METTL22: variants seen among roughly 807,000 people sequenced by gnomAD.
METTL22 encodes methyltransferase-like protein 22.
Under a neutral mutation model 48.4 loss-of-function variants are expected in METTL22, and 51 were observed. The ratio of observed to expected loss-of-function variants is 1.05; its 90% confidence interval spans 0.84 to 1.33. The LOEUF (loss-of-function observed/expected upper bound fraction) is 1.33. METTL22 is among the 40% of genes most tolerant of loss of function. The pLI, the probability that METTL22 is intolerant of heterozygous loss-of-function variation, is 0.00. For missense variants in METTL22, 678 were observed against 526.9 expected (o/e 1.29, Z -2.81); for synonymous variants, 255 against 214.1 (o/e 1.19, Z -1.67).
intron 7 of METTL22, chr16:8,641,815 C>A: frequency 2.0e-6 from 1 of 493,970 alleles, no homozygotes; most frequent in Non-Finnish European, 3.7e-6. Flanking sequence ...CCTGGGCCAC[C>A]CAGCAGGCAG....
intron 6 of METTL22, 117 bp from the exon 7 acceptor site, chr16:8,641,014 G>T: frequency 1.1e-6 from 1 of 901,430 alleles, no homozygotes. Context: ...AGGTGGATGG[G>T]TGAGAGCAAG....
intron 3 of METTL22, among the ~76,000 whole-genome samples, chr16:8,632,975 A>G (rs1382504982): frequency 1.3e-5 from 2 of 152,066 alleles, no homozygotes; most frequent in South Asian, 2.1e-4. Context: ...GGCAGCAGGA[A>G]CCCTTAGGAC....
downstream of METTL22, among the ~76,000 whole-genome samples, chr16:8,654,553 G>A (rs1172124751): frequency 1.3e-5 from 2 of 152,176 alleles, no homozygotes; most frequent in Admixed American, 1.3e-4. Context: ...ACACATGCAC[G>A]CATGCATACA....
Position 8,628,766 on chromosome 16 carries a change from A to T in METTL22, c.170A>T (p.Asp57Val). 1.2e-6 allele frequency: 2 copies of T among 1,613,674 alleles called. No homozygotes were observed. Among genetic ancestry groups the T allele is most frequent in the South Asian group, 2.2e-5 (2 of 91,046 alleles). Residue 57 changes from aspartate to valine, a missense_variant, in exon 3 of 11, where the codon GAC becomes GTC. Transcript: ENST00000381920. Reference protein sequence around the residue: ...LSQFKLLWSQDSWTDSGAKGG... With the variant: ...LSQFKLLWSQVSWTDSGAKGG... ...CAATTCAAGCTTCTATGGAGCCAAG[A>T]CTCTTGGACAGATTCAGGAGCCAAG...
chr16:8,622,393 C>T (rs1347806407), intron 1 of METTL22, among the ~76,000 whole-genome samples: 1 of 152,164 alleles, frequency 6.6e-6, no homozygotes, highest in Non-Finnish European at 1.5e-5. Context: ...CTCAGTCTAG[C>T]CCCCACAGCC....
intron 8 of METTL22, 75 bp downstream of exon 8, chr16:8,642,282 C>T (rs1235612103): frequency 2.2e-5 from 31 of 1,390,408 alleles, no homozygotes; most frequent in African/African-American, 2.8e-5. Flanking sequence ...CCTCACTTCC[C>T]CCGGGAGTTC....
the METTL22 span, among the ~76,000 whole-genome samples, chr16:8,660,451 T>G: frequency 6.6e-6 from 1 of 152,086 alleles, no homozygotes; most frequent in African/African-American, 2.4e-5. Context: ...AGTGCTGGGA[T>G]TACAGGTGTG....
the METTL22 span, among the ~76,000 whole-genome samples, chr16:8,663,206 CAAA>C: frequency 4.7e-4 from 3 of 6,428 alleles, no homozygotes; most frequent in Non-Finnish European, 6.8e-4. Flanking sequence ...AACTCCGTCT[CAAA>C]AAAAAAAAAA....
intron 9 of METTL22, chr16:8,644,315 G>A (rs1005341055): frequency 1.5e-5 from 5 of 339,706 alleles, no homozygotes; most frequent in South Asian, 1.2e-4. Flanking sequence ...TTGTGGGCAC[G>A]TGACCTGAGC....
At chr16:8,660,680 GTAC>G in the METTL22 span, among the ~76,000 whole-genome samples, 2 of 151,786 alleles carry the variant, frequency 1.3e-5, no homozygotes, top group African/African-American at 2.4e-5. Flanking sequence ...GTGTTGGTAA[GTAC>G]TAGAAAGAAC....
intron 6 of METTL22, among the ~76,000 whole-genome samples, chr16:8,640,308 G>A (rs2056557392): frequency 6.6e-6 from 1 of 152,036 alleles, no homozygotes; most frequent in Non-Finnish European, 1.5e-5. Context: ...CTCCTCCTGT[G>A]CGTTTGCCTC....
chr16:8,658,452 G>A, the METTL22 span, among the ~76,000 whole-genome samples: 2 of 152,186 alleles, frequency 1.3e-5, no homozygotes, highest in African/African-American at 4.8e-5. Flanking sequence ...AACACTACAA[G>A]CCACTGCAAA....
At chr16:8,629,737 C>T (rs1474159001) in intron 3 of METTL22, among the ~76,000 whole-genome samples, 1 of 152,040 alleles carries the variant, frequency 6.6e-6, no homozygotes, top group Non-Finnish European at 1.5e-5. Flanking sequence ...GGTATGGGGG[C>T]AGAGCAGAGG....
the METTL22 span, among the ~76,000 whole-genome samples, chr16:8,661,826 G>T: frequency 0.76 from 108,055 of 143,074 alleles, 45,345 homozygotes; most frequent in East Asian, 0.99. Flanking sequence ...TCCCACTTTG[G>T]CCTCTCAAAA....
downstream of METTL22, among the ~76,000 whole-genome samples, chr16:8,651,403 A>AAAAAAAAAAAC (rs60663142): frequency 2.0e-5 from 3 of 149,992 alleles, no homozygotes; most frequent in South Asian, 4.2e-4. Context: ...AAAAAAAAAA[A>AAAAAAAAAAAC]CATACTAAAT....
chr16:8,665,375 C>G, the METTL22 span, among the ~76,000 whole-genome samples: 2 of 152,082 alleles, frequency 1.3e-5, no homozygotes, highest in African/African-American at 2.4e-5. Context: ...TGACCTTGAA[C>G]CCTGGTGACT....
chr16:8,642,518 C>A lies in METTL22; in HGVS notation c.963C>A (p.Ala321=). The A allele has an allele frequency of 1.2e-6, 2 of 1,614,222 alleles. No homozygotes were observed. Among genetic ancestry groups the A allele is most frequent in the Non-Finnish European group, 1.7e-6 (2 of 1,180,042 alleles). The change falls in exon 9 of 11, where the codon GCC becomes GCA. Residue 321 remains alanine, a synonymous_variant. Transcript: ENST00000381920. ...TGTTTAAAACGCTCTCCCGACTCGCCCACAGATTGAAAAATGCCTGCACAG... is the reference window on the plus strand; with the variant it reads ...TGTTTAAAACGCTCTCCCGACTCGCACACAGATTGAAAAATGCCTGCACAG... ...DAVFKTLSRL[A]HRLKNACTAI... is the part of the protein sequence containing the mutation.
chr16:8,647,943 G>A lies in METTL22; in HGVS notation c.*1800G>A, dbSNP rs961161209. On this transcript the variant is annotated 3_prime_UTR_variant, in exon 11 of 11. Transcript: ENST00000381920. Reference sequence around the variant, plus strand: ...AGGTTTAGAGCCCATGTCCACCCATGTCCATCTGACTCCTGAGCCTGTGCT... The same window carrying A: ...AGGTTTAGAGCCCATGTCCACCCATATCCATCTGACTCCTGAGCCTGTGCT... 6.6e-6 allele frequency: 1 copy of A among 152,258 alleles called. No individual in the cohort carries two copies. The highest frequency in any genetic ancestry group is 2.4e-5 in the African/African-American group (1 of 41,462). The allele number at this position is 152,258 out of a possible 1,614,324, so 9.4% of individuals were successfully genotyped here.
chr16:8,635,987 G>C (rs770905635), intron 5 of METTL22, among the ~76,000 whole-genome samples: 9 of 152,108 alleles, frequency 5.9e-5, no homozygotes, highest in Non-Finnish European at 8.8e-5. Flanking sequence ...ATATATTTAG[G>C]GGGTACAAGT....
Sources: gnomAD v4.1 joint callset for allele counts (sites outside exome capture counted in the v4.1 genomes callset) on GRCh38, gnomAD v4.1.1 for gene constraint, MANE v1.5 for transcripts, NCBI Gene and HGNC (gene_info 2026-07-23, HGNC 2026-07-21) for gene names.